Variants in LHFPL2 observed in about 807,000 individuals in gnomAD.
LHFPL2 encodes LHFPL tetraspan subfamily member 2 protein.
In LHFPL2, 7 loss-of-function variants were observed where a neutral mutation model predicts 17.5. The ratio of observed to expected loss-of-function variants is 0.40; its 90% CI spans 0.23 to 0.75. LHFPL2 has a LOEUF of 0.75. Ranked by LOEUF, LHFPL2 falls within the 30% of genes least tolerant of loss-of-function variation. The probability of loss-of-function intolerance (pLI) is 0.37; values close to 1 mark genes in which losing one functional copy is unlikely to be tolerated. For missense variants in LHFPL2, 241 were observed against 294.8 expected (o/e 0.82, Z 1.34); for synonymous variants, 134 against 116.2 (o/e 1.15, Z -0.99).
At chr5:78,503,776 C>T (rs1414031703) in intron 4 of LHFPL2, among the ~76,000 whole-genome samples, 1 of 152,198 alleles carries the variant, frequency 6.6e-6, no homozygotes, top group African/African-American at 2.4e-5. Flanking sequence ...TGCTTTTCAG[C>T]AGTCATTTTT....
intron 2 of LHFPL2, among the ~76,000 whole-genome samples, chr5:78,621,019 G>A (rs1360236789): frequency 6.7e-6 from 1 of 150,254 alleles, no homozygotes; most frequent in Non-Finnish European, 1.5e-5. Flanking sequence ...CCAGGCTGGA[G>A]TGTAGTGGCT....
At position 78,625,206 on chromosome 5, in the gene LHFPL2, T is replaced by TACACACAC. The variant is rs34765678; in HGVS notation, c.-245+7050_-245+7057dup. 2.7e-5 allele frequency: 4 copies of TACACACAC among 148,878 alleles called. No homozygotes were observed. The East Asian group carries it at 7.9e-4, about 29-fold the overall frequency. 9.2% of individuals were successfully genotyped at this position (148,878 alleles called of 1,614,324 possible). ...AGTCACACCTGCAGCATTCTATACG[T>TACACACAC]ACACACACACACACACACACACACA... is the stretch of plus-strand genomic sequence containing the variant. On this transcript the variant is annotated intron_variant, in intron 2 of 4. Coordinates refer to ENST00000380345, the MANE Select transcript of LHFPL2 (RefSeq NM_005779.3).
chr5:78,533,887 A>G (rs1755860209), intron 3 of LHFPL2, among the ~76,000 whole-genome samples: 1 of 152,242 alleles, frequency 6.6e-6, no homozygotes, highest in Non-Finnish European at 1.5e-5. Context: ...CTAAGAAAGA[A>G]AAAAGATGCC....
chr5:78,535,820 C>T (rs1021035068), intron 3 of LHFPL2, among the ~76,000 whole-genome samples: 3 of 152,228 alleles, frequency 2.0e-5, no homozygotes, highest in Admixed American at 6.5e-5. Flanking sequence ...CTCAACATTT[C>T]ACATGACAAC....
chr5:78,513,533 C>T (rs887890664), intron 3 of LHFPL2, among the ~76,000 whole-genome samples: 1 of 152,122 alleles, frequency 6.6e-6, no homozygotes, highest in Admixed American at 6.5e-5. Context: ...TGACTAAAAT[C>T]GAGGCTTCCT....
intron 3 of LHFPL2, among the ~76,000 whole-genome samples, chr5:78,553,931 T>A (rs992353753): frequency 6.6e-6 from 1 of 152,264 alleles, no homozygotes; most frequent in Non-Finnish European, 1.5e-5. Flanking sequence ...TCAGTGTTTG[T>A]TGTTGAGGCA....
Position 78,500,453 on chromosome 5 carries a change from C to T in LHFPL2, c.430+9331G>A, listed in dbSNP as rs77697082. 4.0e-3 allele frequency among the ~76,000 whole-genome samples: 605 copies of T among 152,260 alleles called. 7 individuals carry two copies. Among genetic ancestry groups the T allele is most frequent in the African/African-American group, 0.014 (581 of 41,544 alleles). The stretch of plus-strand genomic sequence containing the variant: ...CTCATAATCTCAGGCATCTGGCTCT[C>T]GTGAAATCTTGCTTAGAACAACTGT... On this transcript the variant is annotated intron_variant, in intron 4 of 4. Coordinates refer to ENST00000380345, the MANE Select transcript of LHFPL2 (RefSeq NM_005779.3).
At chr5:78,558,344 AT>A (rs1403662080) in intron 3 of LHFPL2, among the ~76,000 whole-genome samples, 4 of 152,194 alleles carry the variant, frequency 2.6e-5, no homozygotes, top group Admixed American at 6.5e-5. Context: ...TCTGGGAGCA[AT>A]TTTTAAAACT....
chr5:78,549,957 A>T (rs975275686), intron 3 of LHFPL2, among the ~76,000 whole-genome samples: 10 of 152,250 alleles, frequency 6.6e-5, no homozygotes, highest in African/African-American at 2.4e-4. Context: ...CCTAGAAGTT[A>T]TATGCAAAAA....
chr5:78,629,642 A>T (rs938459326), intron 2 of LHFPL2, among the ~76,000 whole-genome samples: 2 of 152,246 alleles, frequency 1.3e-5, no homozygotes, highest in African/African-American at 4.8e-5. Context: ...TCTTTGTACT[A>T]ATACCTGGTT....
At chr5:78,492,731 A>G (rs1266361588) in intron 4 of LHFPL2, among the ~76,000 whole-genome samples, 4 of 152,260 alleles carry the variant, frequency 2.6e-5, no homozygotes, top group African/African-American at 4.8e-5. Flanking sequence ...GCCTGTGGAA[A>G]GCTTCAGCTT....
intron 2 of LHFPL2, among the ~76,000 whole-genome samples, chr5:78,599,730 T>C (rs1362637296): frequency 6.6e-6 from 1 of 152,092 alleles, no homozygotes; most frequent in Non-Finnish European, 1.5e-5. Flanking sequence ...GCCCATGAGA[T>C]CTTGTCTAGT....
chr5:78,638,613 C>CT (rs1745548627), intron 1 of LHFPL2, among the ~76,000 whole-genome samples: 2 of 152,200 alleles, frequency 1.3e-5, no homozygotes, highest in Admixed American at 6.5e-5. Flanking sequence ...TTGGCACAGA[C>CT]TCCAACCCTC....
intron 3 of LHFPL2, among the ~76,000 whole-genome samples, chr5:78,558,275 A>G (rs1461232585): frequency 1.3e-5 from 2 of 151,934 alleles, no homozygotes; most frequent in African/African-American, 2.4e-5. Context: ...ATAAGGGGAC[A>G]CCCCTACACG....
At chr5:78,587,669 A>C (rs1320728552) in intron 2 of LHFPL2, among the ~76,000 whole-genome samples, 1 of 152,264 alleles carries the variant, frequency 6.6e-6, no homozygotes, top group Non-Finnish European at 1.5e-5. Context: ...GCTACAGGAC[A>C]AAACACCACA....
rs1007385716 is a variant in LHFPL2 at position 78,645,645 on chromosome 5, C to T, written c.-350+2854G>A. On this transcript the variant is annotated intron_variant, in intron 1 of 4. Transcript: ENST00000380345. ...TCACCCAGACTGGAGTGCAATGGTG[C>T]CGTCTCAGCTCGCTGTAACCTCCGC... 1.3e-4 allele frequency among the ~76,000 whole-genome samples: 19 copies of T among 151,754 alleles called. 1 individual carries two copies. Among genetic ancestry groups the T allele is most frequent in the Admixed American group, 1.1e-3 (17 of 15,246 alleles).
intron 2 of LHFPL2, among the ~76,000 whole-genome samples, chr5:78,628,554 G>C (rs1745139869): frequency 6.6e-6 from 1 of 152,176 alleles, no homozygotes; most frequent in East Asian, 1.9e-4. Context: ...TTCTCACTCA[G>C]AGTATTGGCG....
chr5:78,618,650 C>T (rs1171598685), intron 2 of LHFPL2, among the ~76,000 whole-genome samples: 2 of 152,148 alleles, frequency 1.3e-5, no homozygotes. Context: ...CTGTGACTGG[C>T]CCTAGAAGTC....
chr5:78,592,639 C>CAT (rs201119914), intron 2 of LHFPL2, among the ~76,000 whole-genome samples: 1 of 73,638 alleles, frequency 1.4e-5, no homozygotes, highest in African/African-American at 4.1e-5. Flanking sequence ...CACACACACA[C>CAT]ATTACTCTTC....
Sources: gnomAD v4.1 joint callset for allele counts (sites outside exome capture counted in the v4.1 genomes callset) on GRCh38, gnomAD v4.1.1 for gene constraint, MANE v1.5 for transcripts, NCBI Gene and HGNC (gene_info 2026-07-23, HGNC 2026-07-21) for gene names.